Variants in TMOD2 observed in about 807,000 individuals in gnomAD.
TMOD2 encodes tropomodulin-2.
In TMOD2, 22 loss-of-function variants were observed where a neutral mutation model predicts 39.9. The observed-to-expected ratio is 0.55, with a 90% confidence interval of 0.39 to 0.79. The LOEUF (loss-of-function observed/expected upper bound fraction) is 0.79, where lower values mean the gene tolerates loss of function less well. TMOD2 is among the 30% of genes least tolerant of loss of function. The pLI is 0.00. For missense variants in TMOD2, 386 were observed against 413.3 expected (o/e 0.93, Z 0.57); for synonymous variants, 123 against 146.1 (o/e 0.84, Z 1.14).
At chr15:51,800,869 C>G (rs1042865887) in intron 8 of TMOD2, among the ~76,000 whole-genome samples, 1 of 152,108 alleles carries the variant, frequency 6.6e-6, no homozygotes, top group Non-Finnish European at 1.5e-5. Flanking sequence ...CCATGCCCAG[C>G]TAATTTTTAA....
At chr15:51,794,738 T>G (rs1271865570) in intron 7 of TMOD2, among the ~76,000 whole-genome samples, 1 of 152,168 alleles carries the variant, frequency 6.6e-6, no homozygotes, top group Admixed American at 6.5e-5. Context: ...ATACAGAAAT[T>G]TATATTTTTC....
intron 1 of TMOD2, among the ~76,000 whole-genome samples, chr15:51,757,420 A>AAG (rs1491511840): frequency 6.6e-6 from 1 of 151,726 alleles, no homozygotes. Flanking sequence ...AAAAAAAAAA[A>AAG]AAAAGCCATA....
chr15:51,790,082 G>T (rs749194928), intron 7 of TMOD2, among the ~76,000 whole-genome samples: 14 of 151,986 alleles, frequency 9.2e-5, no homozygotes, highest in Non-Finnish European at 1.8e-4. Flanking sequence ...CTGGTTTTTT[G>T]AAAAGATCAA....
At chr15:51,794,420 T>G (rs1167800389) in intron 7 of TMOD2, among the ~76,000 whole-genome samples, 1 of 152,196 alleles carries the variant, frequency 6.6e-6, no homozygotes, top group Non-Finnish European at 1.5e-5. Context: ...GTTGTTGTCT[T>G]TATGACTTTA....
At position 51,752,060 on chromosome 15, in the gene TMOD2, C is replaced by T. The variant is rs528417933; in HGVS notation, c.-70+348C>T. Among the ~76,000 whole-genome samples the T allele has an allele frequency of 1.4e-4, 22 of 152,092 alleles. No individual in the cohort carries two copies. The East Asian group carries it at 4.3e-3, about 30-fold the overall frequency. ...GGCTGCGGGGCTGTGTTCTTCCACT[C>T]CGGGCTTTGTTCCCCCACTTTTCCC... On this transcript the variant is annotated intron_variant, in intron 1 of 9. Coordinates refer to ENST00000249700, the MANE Select transcript of TMOD2 (RefSeq NM_014548.4).
chr15:51,801,231 T>TCACACACACA (rs1182352451), intron 8 of TMOD2, among the ~76,000 whole-genome samples: 27 of 97,406 alleles, frequency 2.8e-4, no homozygotes, highest in African/African-American at 1.2e-3. Context: ...TCTCTCTCTC[T>TCACACACACA]CTCTCTCACA....
intron 7 of TMOD2, among the ~76,000 whole-genome samples, chr15:51,785,724 G>A (rs1453942707): frequency 1.3e-5 from 2 of 152,076 alleles, no homozygotes; most frequent in Middle Eastern, 3.2e-3. Flanking sequence ...CAAAAATACA[G>A]TTAGTTAGAA....
intron 7 of TMOD2, among the ~76,000 whole-genome samples, chr15:51,796,325 C>T (rs1312229636): frequency 1.3e-5 from 2 of 152,128 alleles, no homozygotes; most frequent in African/African-American, 2.4e-5. Flanking sequence ...TGCTAGAGCA[C>T]AGTAGAAGCC....
intron 7 of TMOD2, among the ~76,000 whole-genome samples, chr15:51,795,442 A>AAG (rs1555462780): frequency 4.0e-5 from 6 of 151,720 alleles, no homozygotes; most frequent in Non-Finnish European, 5.9e-5. Flanking sequence ...AAAAAAAAAA[A>AAG]AAGTTTTTTT....
intron 3 of TMOD2, among the ~76,000 whole-genome samples, chr15:51,772,312 A>G (rs964359796): frequency 3.3e-5 from 5 of 152,180 alleles, no homozygotes; most frequent in African/African-American, 4.8e-5. Flanking sequence ...AGCAGCTTCA[A>G]AAAAGAGAGA....
At position 51,758,533 on chromosome 15, in the gene TMOD2, A is replaced by G. The variant is rs377420036; in HGVS notation, c.-70+6821A>G. Among the ~76,000 whole-genome samples the G allele has an allele frequency of 2.6e-5, 4 of 152,354 alleles. No individual in the cohort carries two copies. The South Asian group carries it at 6.2e-4, about 24-fold the overall frequency. The stretch of plus-strand genomic sequence containing the variant: ...CATTTGAACTCATTTCTTTCACATG[A>G]CATTTGTTACACAATATTTATTGGA... On this transcript the variant is annotated intron_variant, in intron 1 of 9. Coordinates refer to ENST00000249700, the MANE Select transcript of TMOD2 (RefSeq NM_014548.4).
intron 7 of TMOD2, among the ~76,000 whole-genome samples, chr15:51,785,580 A>G (rs2055963910): frequency 6.6e-6 from 1 of 152,080 alleles, no homozygotes; most frequent in Non-Finnish European, 1.5e-5. Context: ...AAAAAAAAAT[A>G]AATATAGCAT....
intron 1 of TMOD2, among the ~76,000 whole-genome samples, chr15:51,752,324 A>C (rs1038360671): frequency 4.6e-5 from 7 of 152,190 alleles, no homozygotes; most frequent in Non-Finnish European, 7.3e-5. Context: ...GGCTTCCTAA[A>C]TGTTCCCTGT....
intron 9 of TMOD2, among the ~76,000 whole-genome samples, chr15:51,808,148 C>T (rs761249628): frequency 6.6e-6 from 1 of 152,124 alleles, no homozygotes; most frequent in Non-Finnish European, 1.5e-5. Context: ...CACTGTTTCA[C>T]GGGTCTCTTC....
At chr15:51,789,633 A>G (rs937226392) in intron 7 of TMOD2, among the ~76,000 whole-genome samples, 13 of 152,246 alleles carry the variant, frequency 8.5e-5, no homozygotes, top group African/African-American at 3.1e-4. Flanking sequence ...CAGCAAATGT[A>G]AAAGAACAGA....
intron 7 of TMOD2, among the ~76,000 whole-genome samples, chr15:51,789,480 G>A (rs542444533): frequency 1.0e-3 from 152 of 152,248 alleles, no homozygotes; most frequent in Non-Finnish European, 1.5e-3. Flanking sequence ...GGATATCCAG[G>A]ACTTGAACTC....
intron 7 of TMOD2, among the ~76,000 whole-genome samples, chr15:51,785,411 CAAAAAAAAAAAAA>C (rs57631565): frequency 8.5e-5 from 6 of 70,490 alleles, no homozygotes; most frequent in Non-Finnish European, 1.3e-4. Context: ...GACTCTGTCT[CAAAAAAAAAAAAA>C]AAAAAAAAAG....
At chr15:51,780,398 T>C (rs2055921689) in intron 5 of TMOD2, among the ~76,000 whole-genome samples, 1 of 152,232 alleles carries the variant, frequency 6.6e-6, no homozygotes, top group African/African-American at 2.4e-5. Context: ...TAGTTACTTT[T>C]TATATTTTTT....
intron 7 of TMOD2, among the ~76,000 whole-genome samples, chr15:51,785,804 T>C (rs2055965628): frequency 6.6e-6 from 1 of 152,100 alleles, no homozygotes; most frequent in Non-Finnish European, 1.5e-5. Context: ...ATTGTAATGT[T>C]CCCAACACAA....
Sources: gnomAD v4.1 joint callset for allele counts (sites outside exome capture counted in the v4.1 genomes callset) on GRCh38, gnomAD v4.1.1 for gene constraint, MANE v1.5 for transcripts, NCBI Gene and HGNC (gene_info 2026-07-23, HGNC 2026-07-21) for gene names.